The following LAMA2 variants were observed in gnomAD, a reference collection of about 807,000 sequenced individuals.
LAMA2 encodes the protein laminin subunit alpha 2.
LAMA2 carries 269 observed loss-of-function variants against 364.8 expected under a neutral mutation model. The observed-to-expected ratio is 0.74, with a 90% CI of 0.67 to 0.82. The LOEUF (loss-of-function observed/expected upper bound fraction) is 0.82. Among genes scored for constraint, LAMA2 ranks in the 40% least tolerant of loss-of-function variants. LAMA2 has a pLI of 0.00. For missense variants in LAMA2, 3,807 were observed against 3,873.2 expected, an observed-to-expected ratio of 0.98 and a Z score of 0.45; for synonymous variants, 1,379 against 1,370.6, an observed-to-expected ratio of 1.01 and a Z score of -0.14.
chr6:129,355,450 A>G (rs1207090141), intron 32 of LAMA2, among the ~76,000 whole-genome samples: 1 of 152,158 alleles, frequency 6.6e-6, no homozygotes, highest in East Asian at 1.9e-4. Context: ...GTGAGGATGT[A>G]ATTCTGACTT....
intron 17 of LAMA2, among the ~76,000 whole-genome samples, chr6:129,271,294 T>A (rs1212623199): frequency 6.6e-6 from 1 of 151,928 alleles, no homozygotes; most frequent in Non-Finnish European, 1.5e-5. Context: ...AGAGCAGATT[T>A]AAAAAAACAA....
chr6:129,026,831 T>C (rs2114725628), intron 1 of LAMA2, among the ~76,000 whole-genome samples: 1 of 152,266 alleles, frequency 6.6e-6, no homozygotes, highest in South Asian at 2.1e-4. Context: ...GGCATTTACA[T>C]GGAAGAAGTC....
At chr6:128,987,567 T>C (rs1783344352) in intron 1 of LAMA2, among the ~76,000 whole-genome samples, 1 of 152,230 alleles carries the variant, frequency 6.6e-6, no homozygotes, top group East Asian at 1.9e-4. Context: ...TGTGAGAATG[T>C]GTTCTGTTTC....
chr6:129,069,318 A>G (rs1773146586), intron 3 of LAMA2, among the ~76,000 whole-genome samples: 1 of 150,862 alleles, frequency 6.6e-6, no homozygotes, highest in Admixed American at 6.6e-5. Flanking sequence ...AATACTGTGT[A>G]TTTTCCAATT....
intron 12 of LAMA2, among the ~76,000 whole-genome samples, chr6:129,203,756 T>C (rs887725453): frequency 6.6e-6 from 1 of 152,222 alleles, no homozygotes; most frequent in Non-Finnish European, 1.5e-5. Flanking sequence ...TTTTGGTCTT[T>C]ATGCGTTTCA....
intron 16 of LAMA2, among the ~76,000 whole-genome samples, chr6:129,269,525 A>AC (rs1787773932): frequency 5.3e-5 from 8 of 152,210 alleles, no homozygotes; most frequent in African/African-American, 1.7e-4. Context: ...ATAATTGGAA[A>AC]TAAAAAACCC....
chr6:129,087,585 T>A (rs1189761193), intron 3 of LAMA2, among the ~76,000 whole-genome samples: 2 of 152,168 alleles, frequency 1.3e-5, no homozygotes, highest in Non-Finnish European at 2.9e-5. Flanking sequence ...TTAATAGATA[T>A]TACTTTTCCA....
At chr6:129,256,643 C>T (rs1183572016) in intron 14 of LAMA2, among the ~76,000 whole-genome samples, 1 of 151,432 alleles carries the variant, frequency 6.6e-6, no homozygotes, top group Non-Finnish European at 1.5e-5. Context: ...ATTTAATACA[C>T]TTTTAATAAA....
chr6:129,016,732 T>C (rs1225088153), intron 1 of LAMA2, among the ~76,000 whole-genome samples: 1 of 151,892 alleles, frequency 6.6e-6, no homozygotes, highest in Non-Finnish European at 1.5e-5. Flanking sequence ...TTTTGATCTA[T>C]ATGATGGTTA....
chr6:129,114,589 G>C (rs1194774560), intron 4 of LAMA2, among the ~76,000 whole-genome samples: 1 of 151,704 alleles, frequency 6.6e-6, no homozygotes, highest in Non-Finnish European at 1.5e-5. Context: ...TTCTGTATTT[G>C]CTTTTTTTAA....
At chr6:129,056,056 C>A (rs941201131) in intron 2 of LAMA2, among the ~76,000 whole-genome samples, 18 of 152,166 alleles carry the variant, frequency 1.2e-4, no homozygotes, top group Non-Finnish European at 2.5e-4. Flanking sequence ...TCCTATTAGA[C>A]AACTTCTCTC....
chr6:129,115,950 T>C (rs1669708985), intron 4 of LAMA2, among the ~76,000 whole-genome samples: 1 of 152,136 alleles, frequency 6.6e-6, no homozygotes, highest in South Asian at 2.1e-4. Context: ...CAATTTCTTC[T>C]TTTCCTGACC....
intron 12 of LAMA2, among the ~76,000 whole-genome samples, chr6:129,247,176 G>A (rs1223729592): frequency 2.0e-5 from 3 of 152,292 alleles, no homozygotes; most frequent in Non-Finnish European, 4.4e-5. Flanking sequence ...GAGCCTGAGC[G>A]TGGTGGCTCA....
intron 51 of LAMA2, among the ~76,000 whole-genome samples, chr6:129,470,024 G>C (rs939173453): frequency 6.6e-6 from 1 of 151,798 alleles, no homozygotes; most frequent in Non-Finnish European, 1.5e-5. Flanking sequence ...ATTGAGTGTG[G>C]TGGTGGTTCT....
At chr6:129,288,094 G>T in intron 19 of LAMA2, 36 bp downstream of exon 19, 1 of 1,564,944 alleles carries the variant, frequency 6.4e-7, no homozygotes, top group South Asian at 1.1e-5. Flanking sequence ...TGACAGAATT[G>T]ATGTATTGTA....
chr6:129,234,159 G>T (rs1005466759), intron 12 of LAMA2, among the ~76,000 whole-genome samples: 1 of 152,118 alleles, frequency 6.6e-6, no homozygotes, highest in Non-Finnish European at 1.5e-5. Context: ...ATTCTTACTG[G>T]ACTCCAATAT....
intron 3 of LAMA2, among the ~76,000 whole-genome samples, chr6:129,095,593 A>G (rs2114867832): frequency 6.6e-6 from 1 of 151,838 alleles, no homozygotes; most frequent in South Asian, 2.1e-4. Context: ...TTTTTTCCTA[A>G]TGGGACATGG....
chr6:129,513,933 A>C (rs946848522), intron 63 of LAMA2, among the ~76,000 whole-genome samples: 16 of 152,244 alleles, frequency 1.1e-4, no homozygotes, highest in Non-Finnish European at 2.1e-4. Flanking sequence ...AAAATTTAAA[A>C]AATCCTTTAC....
intron 53 of LAMA2, among the ~76,000 whole-genome samples, chr6:129,477,650 A>AAAG (rs1784135523): frequency 6.6e-6 from 1 of 152,138 alleles, no homozygotes; most frequent in Non-Finnish European, 1.5e-5. Context: ...TTTGAGTATA[A>AAAG]AAGTCATTTT....
Sources: gnomAD v4.1 joint callset for allele counts (sites outside exome capture counted in the v4.1 genomes callset) on GRCh38, gnomAD v4.1.1 for gene constraint, MANE v1.5 for transcripts, NCBI Gene and HGNC (gene_info 2026-07-23, HGNC 2026-07-21) for gene names.